EDA: variants seen among roughly 807,000 people sequenced by gnomAD.
EDA encodes ectodysplasin A, also known as ectodysplasin-A.
A neutral mutation model predicts 23.6 loss-of-function variants in EDA; 2 were observed. That is an observed-to-expected ratio of 0.08 (90% CI 0.03 to 0.27). The LOEUF (loss-of-function observed/expected upper bound fraction) is 0.27, where lower values mean the gene tolerates loss of function less well. Ranked by LOEUF, EDA falls within the 10% of genes least tolerant of loss-of-function variation. The pLI is 1.00. For synonymous variants in EDA, 131 were observed against 132.0 expected, an observed-to-expected ratio of 0.99 and a Z score of 0.05; for missense variants, 229 against 324.2, an observed-to-expected ratio of 0.71 and a Z score of 2.26.
chrX:69,929,704 TTTTGTGTGTGTGTGTGTGTGTGTG>T lies in EDA; in HGVS notation c.397-27321_397-27298del, dbSNP rs1372167695. Among the ~76,000 whole-genome samples the T allele has an allele frequency of 7.8e-5, 5 of 64,381 alleles. No individual in the cohort carries two copies. In the Admixed American group the frequency reaches 1.2e-3, roughly 16 times the overall value. The allele number at this position is 64,381 out of a possible 115,157, so 55.9% of individuals were successfully genotyped here. The stretch of plus-strand genomic sequence containing the variant: ...CAGAAAACACTTCACTTCATTCTAT[TTTTGTGTGTGTGTGTGTGTGTGTG>T]TGTGTGTGTGTGTGTGTGTGTGTGT... On this transcript the variant is annotated intron_variant, in intron 1 of 7. Transcript: ENST00000374552.
intron 1 of EDA, among the ~76,000 whole-genome samples, chrX:69,858,625 C>T (rs954614397): frequency 3.6e-5 from 4 of 111,224 alleles, no homozygotes; most frequent in African/African-American, 1.3e-4. Context: ...TGCTGGAGTT[C>T]GTTTGCTGGT....
intron 1 of EDA, among the ~76,000 whole-genome samples, chrX:69,728,929 G>A (rs1332775502): frequency 9.0e-6 from 1 of 111,502 alleles, no homozygotes; most frequent in African/African-American, 3.3e-5. Flanking sequence ...CCCAATGGAG[G>A]TAGGGATAAG....
intron 1 of EDA, among the ~76,000 whole-genome samples, chrX:69,716,681 T>C (rs1043465412): frequency 8.9e-6 from 1 of 111,875 alleles, no homozygotes; most frequent in African/African-American, 3.2e-5. Flanking sequence ...ATTTTAATGA[T>C]ATTGATTCTT....
intron 2 of EDA, among the ~76,000 whole-genome samples, chrX:69,960,598 G>T (rs1183181894): frequency 9.0e-6 from 1 of 110,569 alleles, no homozygotes; most frequent in African/African-American, 3.3e-5. Flanking sequence ...TCTGGAAACT[G>T]CTCTGAACAG....
intron 2 of EDA, among the ~76,000 whole-genome samples, chrX:70,021,680 A>G (rs1035722552): frequency 8.9e-6 from 1 of 112,128 alleles, no homozygotes; most frequent in African/African-American, 3.2e-5. Context: ...GAGAGAAGGA[A>G]AAGAGAATTG....
At chrX:69,764,362 C>T (rs2014408197) in intron 1 of EDA, among the ~76,000 whole-genome samples, 1 of 104,569 alleles carries the variant, frequency 9.6e-6, no homozygotes. Context: ...CGTGCCTCAA[C>T]CACCTGAGTA....
intron 2 of EDA, among the ~76,000 whole-genome samples, chrX:70,015,902 G>T (rs1259979253): frequency 4.5e-5 from 5 of 111,162 alleles, no homozygotes. Flanking sequence ...TGGGACAAAT[G>T]CACCAATTAA....
At chrX:69,656,692 T>C (rs765326704) in intron 1 of EDA, among the ~76,000 whole-genome samples, 1 of 111,547 alleles carries the variant, frequency 9.0e-6, no homozygotes, top group African/African-American at 3.3e-5. Context: ...ATTGTGGCCA[T>C]CTTTAGTTCC....
chrX:69,682,751 G>A (rs924585869), intron 1 of EDA, among the ~76,000 whole-genome samples: 4 of 111,226 alleles, frequency 3.6e-5, no homozygotes, highest in Admixed American at 2.9e-4. Flanking sequence ...AACCCGGTAT[G>A]TCAGATGGAA....
chrX:69,752,875 T>C (rs1402243942), intron 1 of EDA, among the ~76,000 whole-genome samples: 1 of 112,323 alleles, frequency 8.9e-6, no homozygotes, highest in African/African-American at 3.2e-5. Context: ...GAGGTGTTTA[T>C]AGTATTCTCT....
intron 1 of EDA, among the ~76,000 whole-genome samples, chrX:69,631,464 C>T (rs1349326486): frequency 6.5e-5 from 7 of 108,396 alleles, no homozygotes; most frequent in Non-Finnish European, 1.1e-4. Context: ...AATCACTGGC[C>T]TAATGAATAT....
intron 1 of EDA, among the ~76,000 whole-genome samples, chrX:69,779,826 G>T (rs182115411): frequency 9.0e-6 from 1 of 111,423 alleles, no homozygotes; most frequent in Non-Finnish European, 1.9e-5. Flanking sequence ...CCTAATTCAG[G>T]AATACTGTAC....
chrX:69,938,165 C>G (rs2018703277), intron 1 of EDA: 16 of 564,497 alleles, frequency 2.8e-5, no homozygotes, highest in Non-Finnish European at 4.4e-5. Context: ...AGAGACAGCA[C>G]CCGGCGGCAG....
intron 1 of EDA, among the ~76,000 whole-genome samples, chrX:69,639,282 A>G (rs1932813677): frequency 9.0e-6 from 1 of 111,704 alleles, no homozygotes; most frequent in South Asian, 3.7e-4. Flanking sequence ...GGTACATACT[A>G]AGGAGTAGGA....
At chrX:69,833,026 TTTA>T in intron 1 of EDA, among the ~76,000 whole-genome samples, 1 of 111,525 alleles carries the variant, frequency 9.0e-6, no homozygotes. Context: ...TTGAATACCC[TTTA>T]TTTATTTCTC....
intron 1 of EDA, among the ~76,000 whole-genome samples, chrX:69,928,340 G>A (rs1047783931): frequency 2.0e-4 from 22 of 111,671 alleles, no homozygotes; most frequent in Admixed American, 5.7e-4. Flanking sequence ...CAAGAGCCAC[G>A]TCTTACTGAT....
At chrX:69,700,602 G>A (rs781240936) in intron 1 of EDA, among the ~76,000 whole-genome samples, 3 of 110,917 alleles carry the variant, frequency 2.7e-5, no homozygotes, top group Non-Finnish European at 3.8e-5. Flanking sequence ...GCAAGGAGGC[G>A]AGAAATGATA....
chrX:69,790,409 G>A lies in EDA; in HGVS notation c.397-166618G>A, dbSNP rs185807607. Reference sequence around the variant, plus strand: ...ATGTGTTCAGATACTACTTTTACCCGTTAAATTGCTTAGCCGTATATTTTA... The same window carrying A: ...ATGTGTTCAGATACTACTTTTACCCATTAAATTGCTTAGCCGTATATTTTA... On this transcript the variant is annotated intron_variant, in intron 1 of 7. Coordinates refer to ENST00000374552, the MANE Select transcript of EDA (RefSeq NM_001399.5). 2.3e-3 allele frequency among the ~76,000 whole-genome samples: 250 copies of A among 110,345 alleles called. 2 individuals are homozygous for A. The highest frequency in any genetic ancestry group is 2.2e-3 in the Non-Finnish European group (117 of 52,754).
intron 1 of EDA, among the ~76,000 whole-genome samples, chrX:69,732,273 C>T (rs903164352): frequency 2.7e-5 from 3 of 110,876 alleles, no homozygotes; most frequent in Non-Finnish European, 3.8e-5. Flanking sequence ...ACAACAGGCC[C>T]CAGTGTGTGA....
Sources: allele counts gnomAD v4.1 joint callset (sites outside exome capture counted in the v4.1 genomes callset), GRCh38; gene constraint gnomAD v4.1.1; transcripts MANE v1.5; gene names NCBI Gene and HGNC (gene_info 2026-07-23, HGNC 2026-07-21).